ESYT2: variants seen among roughly 807,000 people sequenced by gnomAD.
ESYT2 encodes extended synaptotagmin-2.
In ESYT2, 54 loss-of-function variants were observed where a neutral mutation model predicts 107.2. The observed-to-expected ratio is 0.50, with a 90% CI of 0.40 to 0.63. The LOEUF is 0.63. Ranked by LOEUF, ESYT2 falls within the 30% of genes least tolerant of loss-of-function variation. The pLI, the probability that ESYT2 is intolerant of heterozygous loss-of-function variation, is 0.00. For synonymous variants in ESYT2, 491 were observed against 434.1 expected, an observed-to-expected ratio of 1.13 and a Z score of -1.63; for missense variants, 1,020 against 1,094.5, an observed-to-expected ratio of 0.93 and a Z score of 0.96.
intron 14 of ESYT2, among the ~76,000 whole-genome samples, chr7:158,750,296 G>C (rs1837539887): frequency 6.6e-6 from 1 of 151,990 alleles, no homozygotes; most frequent in Non-Finnish European, 1.5e-5. Flanking sequence ...AAATTAAGCA[G>C]ATATAAATAT....
chr7:158,752,880 A>C (rs750879857), intron 13 of ESYT2, 37 bp from the exon 14 acceptor site: 180 of 1,233,870 alleles, frequency 1.5e-4, no homozygotes, highest in Non-Finnish European at 1.9e-4. Context: ...GCCAAGGGTT[A>C]ATAAAACATG....
rs368174410 is a variant in ESYT2 at position 158,829,473 on chromosome 7, G to C, written c.-55C>G. 1.8e-4 allele frequency: 213 copies of C among 1,211,490 alleles called. 2 individuals are homozygous for C. The South Asian group carries it at 6.8e-3, about 38-fold the overall frequency. The allele number at this position is 1,211,490 out of a possible 1,614,324, so 75.0% of individuals were successfully genotyped here. A position where few individuals can be genotyped will look rare whatever the true frequency, so the allele number is the denominator to read the frequency against. ...CCGAGGCGGGCTGGGTGCTCGCGCT[G>C]ATCCCGGGCGGCTCAGCCCCGCGCC... On this transcript the variant is annotated 5_prime_UTR_variant, in exon 1 of 23. In the 5' UTR this introduces an upstream ATG that the reference lacks. Transcript: ENST00000275418.
intron 1 of ESYT2, among the ~76,000 whole-genome samples, chr7:158,811,264 T>C (rs74758712): frequency 0.076 from 11,578 of 152,286 alleles, 504 homozygotes; most frequent in Middle Eastern, 0.15. Flanking sequence ...AATTAGATAC[T>C]TCCCCAAATA....
At chr7:158,795,275 A>C (rs752458027) in intron 3 of ESYT2, among the ~76,000 whole-genome samples, 9 of 152,220 alleles carry the variant, frequency 5.9e-5, no homozygotes, top group Non-Finnish European at 1.3e-4. Context: ...AAAATGCCAA[A>C]GCTATCTTTA....
rs368464151 is a variant in ESYT2 at position 158,741,564 on chromosome 7, G to A, written c.2127C>T (p.Ile709=). 9 of 1,603,460 alleles carry A rather than the reference G, an allele frequency of 5.6e-6. No individual in the cohort carries two copies. Among genetic ancestry groups the A allele is most frequent in the Admixed American group, 3.4e-5 (2 of 59,152 alleles). ...GCCTTTGCCGCAGCTCCTGGGTGGC[G>A]ATGGGCAGCGAGATGTCCGAGGCGA... ...PSIASDISLP[I]ATQELRQRLR... is the part of the protein sequence containing the mutation. The change falls in exon 18 of 23, where the codon ATC becomes ATT. Residue 709 remains isoleucine, a synonymous_variant. Transcript: ENST00000275418.
At chr7:158,777,372 T>C (rs1213467108) in intron 6 of ESYT2, among the ~76,000 whole-genome samples, 2 of 152,242 alleles carry the variant, frequency 1.3e-5, no homozygotes, top group African/African-American at 4.8e-5. Context: ...GGTTTGGCTC[T>C]GTGTCCCTAC....
In ESYT2 at chr7:158,791,099, C is replaced by T. The variant is rs112920301; in HGVS notation, c.584+2551G>A. 5.1e-3 allele frequency among the ~76,000 whole-genome samples: 778 copies of T among 152,314 alleles called. 4 individuals are homozygous for T. The highest frequency in any genetic ancestry group is 0.018 in the African/African-American group (747 of 41,566). On this transcript the variant is annotated intron_variant, in intron 4 of 22. Transcript: ENST00000275418. ...ACACTCTCCCCCCATTAAACACTAACTCCCCATTCCTTCTGCTCCCAGGCC... is the reference window on the plus strand; with the variant it reads ...ACACTCTCCCCCCATTAAACACTAATTCCCCATTCCTTCTGCTCCCAGGCC...
At chr7:158,783,050 G>A (rs763654494) in intron 6 of ESYT2, among the ~76,000 whole-genome samples, 159 of 152,282 alleles carry the variant, frequency 1.0e-3, no homozygotes, top group Non-Finnish European at 1.9e-3. Flanking sequence ...ACGTGCCTCA[G>A]GATGCTGGGA....
intron 14 of ESYT2, among the ~76,000 whole-genome samples, chr7:158,751,351 GT>G (rs1837577780): frequency 6.6e-6 from 1 of 152,146 alleles, no homozygotes; most frequent in South Asian, 2.1e-4. Flanking sequence ...AATGGATGAT[GT>G]TTTCAATCCT....
intron 4 of ESYT2, among the ~76,000 whole-genome samples, chr7:158,791,056 T>C (rs1204038589): frequency 6.6e-6 from 1 of 152,176 alleles, no homozygotes; most frequent in Admixed American, 6.5e-5. Flanking sequence ...CCGGACCATT[T>C]TTCAACTTGC....
chr7:158,743,718 CAT>C lies in ESYT2; in HGVS notation c.1645-42_1645-41del. 4 of 1,584,772 alleles carry C rather than the reference CAT, an allele frequency of 2.5e-6. No individual in the cohort carries two copies. In the East Asian group the frequency reaches 9.4e-5, roughly 37 times the overall value. ...GTGGAAACACTGGCATAACTAGGATCATGTCTGCAGAACCTTTCTACGTTGTC... is the reference window on the plus strand; with the variant it reads ...GTGGAAACACTGGCATAACTAGGATCGTCTGCAGAACCTTTCTACGTTGTC... On this transcript the variant is annotated intron_variant, in intron 16 of 22. Coordinates refer to ENST00000275418, the MANE Select transcript of ESYT2 (RefSeq NM_001367773.1).
chr7:158,777,742 C>T (rs919856454), intron 6 of ESYT2, among the ~76,000 whole-genome samples: 43 of 152,160 alleles, frequency 2.8e-4, no homozygotes, highest in African/African-American at 9.7e-4. Context: ...ATCTTTATAG[C>T]GGTGTGAGAA....
chr7:158,823,020 T>C (rs569916218), intron 1 of ESYT2, among the ~76,000 whole-genome samples: 61 of 151,616 alleles, frequency 4.0e-4, no homozygotes, highest in Admixed American at 2.0e-3. Flanking sequence ...AGGCCAGGCA[T>C]GGTGGCTCAC....
At chr7:158,827,771 C>T (rs1187210744) in intron 1 of ESYT2, 1 of 152,178 alleles carries the variant, frequency 6.6e-6, no homozygotes, top group African/African-American at 2.4e-5. Flanking sequence ...CTTTTCTCCT[C>T]TAAGAGAAAA....
In ESYT2 at chr7:158,773,347, C is replaced by T. The variant is rs1838440887; in HGVS notation, c.797G>A (p.Gly266Glu). Residue 266 changes from glycine to glutamate, a missense_variant, in exon 7 of 23, where the codon GGA (glycine) becomes GAA (glutamate). Gly to Glu is a moderately conservative substitution (Grantham distance 98). Coordinates refer to ENST00000275418, the MANE Select transcript of ESYT2 (RefSeq NM_001367773.1). ...GACCAGACACGAGACTTACTTCAAT[C>T]CAGGGACATCCAGAAGATTCGTCAG... ...TGLTNLLDVP[G>E]LNGLSDTIIL... is the part of the protein sequence containing the mutation. The T allele has an allele frequency of 6.2e-7, 1 of 1,614,058 alleles. No homozygotes were observed. Among genetic ancestry groups the T allele is most frequent in the Non-Finnish European group, 8.5e-7 (1 of 1,179,986 alleles).
intron 18 of ESYT2, among the ~76,000 whole-genome samples, chr7:158,740,871 C>A (rs1225790229): frequency 1.3e-5 from 2 of 152,166 alleles, no homozygotes; most frequent in African/African-American, 4.8e-5. Context: ...TTACTATTTT[C>A]TTATTATTCA....
intron 11 of ESYT2, 88 bp from the exon 12 acceptor site, chr7:158,760,235 GCTCA>G (rs1837911798): frequency 2.5e-6 from 3 of 1,179,800 alleles, no homozygotes; most frequent in Non-Finnish European, 3.8e-6. Context: ...GTTCCATGCT[GCTCA>G]CTAACCACGA....
intron 19 of ESYT2, 87 bp downstream of exon 19, chr7:158,738,936 G>A: frequency 7.7e-7 from 1 of 1,290,330 alleles, no homozygotes; most frequent in South Asian, 1.3e-5. Context: ...TGGATGTTTG[G>A]AAATCCTAAA....
Position 158,749,762 on chromosome 7 carries a change from C to T in ESYT2, c.1483-39G>A, listed in dbSNP as rs1326694171. Reference sequence around the variant, plus strand: ...ACAGAAAACAGACAAAATAAATAAACACATTTTAAATGGGTCTTAACTAAA... The same window carrying T: ...ACAGAAAACAGACAAAATAAATAAATACATTTTAAATGGGTCTTAACTAAA... On this transcript the variant is annotated intron_variant, in intron 14 of 22. Transcript: ENST00000275418. The T allele has an allele frequency of 3.1e-6, 5 of 1,591,894 alleles. No homozygotes were observed. In the Admixed American group the frequency reaches 5.2e-5, roughly 16 times the overall value.
Sources: allele counts gnomAD v4.1 joint callset (sites outside exome capture counted in the v4.1 genomes callset), GRCh38; gene constraint gnomAD v4.1.1; transcripts MANE v1.5; gene names NCBI Gene and HGNC (gene_info 2026-07-23, HGNC 2026-07-21).